The following WNT2 variants were observed in gnomAD, a reference collection of about 807,000 sequenced individuals.
WNT2 encodes the protein Wnt family member 2.
Under a neutral mutation model 36.9 loss-of-function variants are expected in WNT2, and 12 were observed. That is an observed-to-expected ratio of 0.33 (90% CI 0.21 to 0.53). The LOEUF is 0.53. Ranked by LOEUF, WNT2 falls within the 20% of genes least tolerant of loss-of-function variation. The probability of loss-of-function intolerance (pLI) is 0.95; values close to 1 mark genes in which losing one functional copy is unlikely to be tolerated. For missense variants in WNT2, 379 were observed against 473.1 expected (o/e 0.80, Z 1.84); for synonymous variants, 163 against 174.6 (o/e 0.93, Z 0.52).
chr7:117,315,451 G>C, intron 2 of WNT2, 103 bp from the exon 3 acceptor site: 1 of 1,229,532 alleles, frequency 8.1e-7, no homozygotes. Flanking sequence ...GACAACCTTT[G>C]CCACTAGACA....
intron 3 of WNT2, among the ~76,000 whole-genome samples, chr7:117,308,643 C>T (rs1032503525): frequency 3.3e-5 from 5 of 152,132 alleles, no homozygotes; most frequent in Non-Finnish European, 1.5e-5. Context: ...AGTAAGTAAA[C>T]AAATACCTAC....
Position 117,297,691 on chromosome 7 carries a change from C to T in WNT2, c.774G>A (p.Glu258=). ...QDGTGFTVAN[E]RFKKPTKNDL... is the part of the protein sequence containing the mutation. ...CATTTTTCGTTGGCTTCTTAAACCT[C>T]TCGTTAGCCACAGTGAAACCTGTGC... Residue 258 remains glutamate (E), a synonymous_variant, in exon 4 of 5, where the codon GAG becomes GAA. Transcript: ENST00000265441. 1 of 1,614,178 alleles carries T rather than the reference C, an allele frequency of 6.2e-7. No homozygotes were observed. The highest frequency in any genetic ancestry group is 8.5e-7 in the Non-Finnish European group (1 of 1,180,026).
chr7:117,297,745 C>G lies in WNT2; in HGVS notation c.720G>C (p.Gly240=), dbSNP rs769533053. Residue 240 remains glycine (G), a synonymous_variant, in exon 4 of 5, where the codon GGG becomes GGC. Coordinates refer to ENST00000265441, the MANE Select transcript of WNT2 (RefSeq NM_003391.3). ...CCTGGTTCATGACCACCTGGATGGC[C>G]CCATTGTACTTCCTCCAGAGATAAT... ...TGDYLWRKYN[G]AIQVVMNQDG... 5.0e-6 allele frequency: 8 copies of G among 1,613,930 alleles called. No homozygotes were observed. The East Asian group carries it at 1.8e-4, about 36-fold the overall frequency.
At position 117,322,950 on chromosome 7, in the gene WNT2, G is replaced by A; in HGVS notation, c.40C>T (p.Leu14=). The change falls in exon 1 of 5, where the codon CTG becomes TTG. Residue 14 remains leucine (L), a synonymous_variant. Coordinates refer to ENST00000265441, the MANE Select transcript of WNT2 (RefSeq NM_003391.3). This position sits in a 1 kb window ranked among gnomAD's most constrained non-coding sequence, Gnocchi z 5.4. ...TCGGGGGTGAGCCAGGTCAAGAGCAGAGGGAGCCAGAGCCAGATTCCACCG... is the reference window on the plus strand; with the variant it reads ...TCGGGGGTGAGCCAGGTCAAGAGCAAAGGGAGCCAGAGCCAGATTCCACCG... ...PLGGIWLWLP[L]LLTWLTPEVN... 12 of 1,613,804 alleles carry A rather than the reference G, an allele frequency of 7.4e-6. No individual in the cohort carries two copies. Among genetic ancestry groups the A allele is most frequent in the Non-Finnish European group, 9.3e-6 (11 of 1,180,002 alleles).
At chr7:117,298,486 T>C (rs1584685331) in intron 3 of WNT2, among the ~76,000 whole-genome samples, 1 of 152,032 alleles carries the variant, frequency 6.6e-6, no homozygotes, top group East Asian at 1.9e-4. Flanking sequence ...AGTCAGTTAG[T>C]GACCCTGAGG....
intron 3 of WNT2, among the ~76,000 whole-genome samples, chr7:117,299,427 A>G (rs1794858561): frequency 6.6e-6 from 1 of 152,112 alleles, no homozygotes; most frequent in Admixed American, 6.5e-5. Context: ...TTATTTAATC[A>G]TAAGTAATAT....
chr7:117,315,457 A>G (rs1795199427), intron 2 of WNT2, 109 bp from the exon 3 acceptor site: 1 of 1,170,494 alleles, frequency 8.5e-7, no homozygotes, highest in Admixed American at 2.7e-5. Context: ...CTTTGCCACT[A>G]GACAACAAGG....
At chr7:117,279,642 G>C (rs1043828091) in intron 4 of WNT2, among the ~76,000 whole-genome samples, 1 of 152,068 alleles carries the variant, frequency 6.6e-6, no homozygotes, top group Non-Finnish European at 1.5e-5. Flanking sequence ...ACTATTTTCT[G>C]GTTCTGCTTC....
chr7:117,322,182 C>T lies in WNT2; in HGVS notation c.83+725G>A, dbSNP rs1341289313. 1 of 152,094 alleles carries T rather than the reference C, an allele frequency of 6.6e-6. No homozygotes were observed. The highest frequency in any genetic ancestry group is 1.5e-5 in the Non-Finnish European group (1 of 68,048). 9.4% of individuals were successfully genotyped at this position (152,094 alleles called of 1,614,324 possible). ...GAACTTTTAGCGACCTGGTATGGTT[C>T]AACATTCCATCACTATGCAAAAATA... On this transcript the variant is annotated intron_variant, in intron 1 of 4. Coordinates refer to ENST00000265441, the MANE Select transcript of WNT2 (RefSeq NM_003391.3). The surrounding 1 kb of genome is among the most constrained non-coding windows in gnomAD (Gnocchi z 5.4).
At chr7:117,296,123 G>C (rs1044391170) in intron 4 of WNT2, among the ~76,000 whole-genome samples, 2 of 152,176 alleles carry the variant, frequency 1.3e-5, no homozygotes, top group African/African-American at 4.8e-5. Context: ...CTAGTGACTG[G>C]TAGAGGGGGG....
chr7:117,278,960 G>A (rs890537505), intron 4 of WNT2, among the ~76,000 whole-genome samples: 2 of 152,210 alleles, frequency 1.3e-5, no homozygotes, highest in African/African-American at 2.4e-5. Flanking sequence ...CCCTGAGGAA[G>A]GAGAAAGGCC....
At chr7:117,297,209 A>G (rs1404063323) in intron 4 of WNT2, among the ~76,000 whole-genome samples, 1 of 152,160 alleles carries the variant, frequency 6.6e-6, no homozygotes, top group Admixed American at 6.5e-5. Flanking sequence ...CCAGTTGCTT[A>G]GGAGAGCTCT....
intron 3 of WNT2, among the ~76,000 whole-genome samples, chr7:117,310,582 CAAAAAAAAAA>C (rs774296887): frequency 1.8e-5 from 1 of 55,046 alleles, no homozygotes; most frequent in Non-Finnish European, 3.4e-5. Context: ...GACCCTGTCT[CAAAAAAAAAA>C]AAAAAAAAAA....
intron 3 of WNT2, among the ~76,000 whole-genome samples, chr7:117,311,363 A>G (rs915863389): frequency 7.9e-5 from 12 of 152,214 alleles, no homozygotes; most frequent in Admixed American, 7.2e-4. Context: ...AATTCTCAAC[A>G]AAAGCAATAT....
chr7:117,300,281 G>A (rs1794878175), intron 3 of WNT2, among the ~76,000 whole-genome samples: 1 of 152,150 alleles, frequency 6.6e-6, no homozygotes, highest in African/African-American at 2.4e-5. Flanking sequence ...ATGCCTCCCT[G>A]GTTCAAGCGA....
chr7:117,278,049 C>T lies in WNT2; in HGVS notation c.*106G>A. 1.5e-6 allele frequency: 2 copies of T among 1,332,492 alleles called. No individual in the cohort carries two copies. The highest frequency in any genetic ancestry group is 1.0e-6 in the Non-Finnish European group (1 of 955,058). 82.5% of individuals were successfully genotyped at this position (1,332,492 alleles called of 1,614,324 possible). On this transcript the variant is annotated 3_prime_UTR_variant, in exon 5 of 5. Coordinates refer to ENST00000265441, the MANE Select transcript of WNT2 (RefSeq NM_003391.3). ...GGGGCTTCCGTTGAGATAAAGGCCA[C>T]ATGCCTTAGGAAATATCCCCCCAGA...
chr7:117,311,228 C>T (rs1008382177), intron 3 of WNT2, among the ~76,000 whole-genome samples: 4 of 152,168 alleles, frequency 2.6e-5, no homozygotes, highest in Non-Finnish European at 5.9e-5. Flanking sequence ...AACCGATACA[C>T]ATTCATTTTA....
chr7:117,308,589 T>C (rs1219513157), intron 3 of WNT2, among the ~76,000 whole-genome samples: 1 of 152,176 alleles, frequency 6.6e-6, no homozygotes, highest in Admixed American at 6.5e-5. Flanking sequence ...GCAGAACTGA[T>C]CTAACTTTTA....
intron 4 of WNT2, among the ~76,000 whole-genome samples, chr7:117,296,823 C>G (rs935467302): frequency 1.3e-5 from 2 of 152,120 alleles, no homozygotes; most frequent in Non-Finnish European, 2.9e-5. Flanking sequence ...AAATGAAGGG[C>G]CTCTGACACA....
Sources: gnomAD v4.1 joint callset for allele counts (sites outside exome capture counted in the v4.1 genomes callset) on GRCh38, gnomAD v4.1.1 for gene constraint, Gnocchi (gnomAD v3.1) non-coding constraint, MANE v1.5 for transcripts, NCBI Gene and HGNC (gene_info 2026-07-23, HGNC 2026-07-21) for gene names.